EML6: variants seen among roughly 807,000 people sequenced by gnomAD.
EML6 encodes the protein echinoderm microtubule-associated protein-like 6.
In EML6, 154 loss-of-function variants were observed where a neutral mutation model predicts 240.1. The observed-to-expected ratio is 0.64, with a 90% CI of 0.56 to 0.73. EML6 has a LOEUF of 0.73. EML6 is among the 30% of genes least tolerant of loss of function. The probability of loss-of-function intolerance (pLI) is 0.00; values close to 1 mark genes in which losing one functional copy is unlikely to be tolerated. For synonymous variants in EML6, 1,148 were observed against 899.0 expected (o/e 1.28, Z -4.95); for missense variants, 2,964 against 2,474.6 (o/e 1.20, Z -4.20).
intron 5 of EML6, among the ~76,000 whole-genome samples, chr2:54,826,381 C>T (rs1204357489): frequency 1.3e-5 from 2 of 152,158 alleles, no homozygotes; most frequent in Non-Finnish European, 2.9e-5. Context: ...GGCAGATCAC[C>T]TGAGGTCAGG....
chr2:54,812,054 C>T (rs1667873545), intron 2 of EML6, among the ~76,000 whole-genome samples: 1 of 152,112 alleles, frequency 6.6e-6, no homozygotes. Context: ...TTCACACAGG[C>T]ATGTTTATGT....
chr2:54,752,611 G>A (rs1333846389), intron 2 of EML6, among the ~76,000 whole-genome samples: 1 of 152,174 alleles, frequency 6.6e-6, no homozygotes, highest in African/African-American at 2.4e-5. Context: ...CATGCATGTT[G>A]TAGTAGATAG....
chr2:54,964,792 G>A, intron 38 of EML6, 59 bp downstream of exon 38: 1 of 1,492,928 alleles, frequency 6.7e-7, no homozygotes, highest in Non-Finnish European at 9.1e-7. Context: ...TAATAACAAT[G>A]GCCTATATTA....
chr2:54,871,658 C>CA, intron 16 of EML6, 53 bp downstream of exon 16: 1 of 1,291,450 alleles, frequency 7.7e-7, no homozygotes, highest in South Asian at 1.3e-5. Context: ...GAGAGAGACA[C>CA]AGAGAGAGTA....
chr2:54,864,615 A>G (rs946147410), intron 13 of EML6, among the ~76,000 whole-genome samples: 1 of 152,260 alleles, frequency 6.6e-6, no homozygotes, highest in African/African-American at 2.4e-5. Flanking sequence ...TGTGGAATGA[A>G]TAAGACTTCA....
intron 7 of EML6, among the ~76,000 whole-genome samples, chr2:54,839,612 C>T (rs1406843237): frequency 6.6e-6 from 1 of 152,226 alleles, no homozygotes; most frequent in Admixed American, 6.5e-5. Context: ...TGCTAAGCTC[C>T]GCCTTTACGT....
chr2:54,966,059 T>C (rs1400689144), intron 38 of EML6, among the ~76,000 whole-genome samples: 2 of 152,242 alleles, frequency 1.3e-5, no homozygotes, highest in Non-Finnish European at 2.9e-5. Context: ...GTCTCAATCA[T>C]AATTTTGCAA....
chr2:54,957,745 C>T, intron 32 of EML6, 45 bp from the exon 33 acceptor site: 2 of 1,533,492 alleles, frequency 1.3e-6, no homozygotes, highest in Non-Finnish European at 8.8e-7. Context: ...CCGGCCTGGC[C>T]CATGAAGCAA....
chr2:54,806,641 A>ATG (rs1670505738), intron 2 of EML6, among the ~76,000 whole-genome samples: 1 of 136,916 alleles, frequency 7.3e-6, no homozygotes, highest in Non-Finnish European at 1.6e-5. Flanking sequence ...AAAAAAAAAA[A>ATG]AAAGAATGTC....
At chr2:54,946,823 C>G (rs751156805) in intron 28 of EML6, among the ~76,000 whole-genome samples, 1 of 152,006 alleles carries the variant, frequency 6.6e-6, no homozygotes, top group Non-Finnish European at 1.5e-5. Flanking sequence ...TTGCTCCTCT[C>G]ATCTTCAGTT....
At chr2:54,802,662 A>ACTG (rs1553381898) in intron 2 of EML6, among the ~76,000 whole-genome samples, 132 of 145,684 alleles carry the variant, frequency 9.1e-4, no homozygotes, top group African/African-American at 2.0e-3. Context: ...TACTACTACT[A>ACTG]CTACTGCTAC....
Position 54,866,781 on chromosome 2 carries a change from C to T in EML6, c.1948C>T (p.Leu650=), listed in dbSNP as rs139993815. Reference sequence around the variant, plus strand: ...GTACTTTAAGGTTTACAAAGAAGATCTACCTCAGCTAAAGCAACAAAGTAA... The same window carrying T: ...GTACTTTAAGGTTTACAAAGAAGATTTACCTCAGCTAAAGCAACAAAGTAA... The part of the protein sequence containing the change: ...NYDRQVYKED[L]PQLKQQSKEK... The change falls in exon 14 of 42, where the codon CTA becomes TTA. Residue 650 remains leucine (L), a synonymous_variant. Transcript: ENST00000356458. The T allele has an allele frequency of 9.3e-4, 1,440 of 1,549,830 alleles. 23 individuals are homozygous for T. In the African/African-American group the frequency reaches 0.018, roughly 19 times the overall value.
chr2:54,863,537 G>A (rs961442108), intron 12 of EML6, among the ~76,000 whole-genome samples: 1 of 152,108 alleles, frequency 6.6e-6, no homozygotes, highest in African/African-American at 2.4e-5. Flanking sequence ...AATGAGTTTA[G>A]TCTGCCTGGT....
Position 54,871,654 on chromosome 2 carries a change from GAC to G in EML6, c.2344+53_2344+54del, listed in dbSNP as rs1558635287. On this transcript the variant is annotated intron_variant, in intron 16 of 41. Transcript: ENST00000356458. The stretch of plus-strand genomic sequence containing the variant: ...ATGGTTCTACGTTGAGAGAGAGAGA[GAC>G]ACAGAGAGAGTATGCCCCGCGCATG... 3.1e-6 allele frequency: 4 copies of G among 1,302,710 alleles called. No individual in the cohort carries two copies. In the Admixed American group the frequency reaches 5.9e-5, roughly 19 times the overall value. 80.7% of individuals were successfully genotyped at this position (1,302,710 alleles called of 1,614,324 possible).
intron 28 of EML6, among the ~76,000 whole-genome samples, chr2:54,931,799 C>T (rs760332812): frequency 6.6e-6 from 1 of 152,182 alleles, no homozygotes; most frequent in Non-Finnish European, 1.5e-5. Flanking sequence ...TGTCACTTAG[C>T]AATGTTTCAG....
chr2:54,879,663 C>A (rs770659395), intron 17 of EML6, 23 bp downstream of exon 17: 11 of 1,380,668 alleles, frequency 8.0e-6, no homozygotes, highest in Admixed American at 5.9e-5. Context: ...CGGGATCTTA[C>A]GGTATCCTGC....
chr2:54,910,691 CAT>C (rs951265510), intron 24 of EML6, among the ~76,000 whole-genome samples: 1 of 149,208 alleles, frequency 6.7e-6, no homozygotes, highest in Non-Finnish European at 1.5e-5. Flanking sequence ...ATCAATAAAA[CAT>C]ATCAAGCTTT....
intron 13 of EML6, among the ~76,000 whole-genome samples, chr2:54,864,519 C>T (rs762767344): frequency 2.0e-5 from 3 of 152,144 alleles, no homozygotes; most frequent in Non-Finnish European, 4.4e-5. Context: ...GAACACATAC[C>T]ACCTTGTTAC....
Position 54,968,197 on chromosome 2 carries a change from T to C in EML6, c.5667T>C (p.Cys1889=). Residue 1889 remains cysteine (C), a synonymous_variant, in exon 40 of 42, where the codon TGT becomes TGC. Coordinates refer to ENST00000356458, the MANE Select transcript of EML6 (RefSeq NM_001039753.4). ...NADKADVNCA[C]VTHAGLNIVT... ...ACAAGGCTGATGTCAACTGCGCATG[T>C]GTGACCCACGCTGGCCTGAACATTG... 1 of 1,551,742 alleles carries C rather than the reference T, an allele frequency of 6.4e-7. No homozygotes were observed. The highest frequency in any genetic ancestry group is 8.7e-7 in the Non-Finnish European group (1 of 1,146,986).
Sources: allele counts gnomAD v4.1 joint callset (sites outside exome capture counted in the v4.1 genomes callset), GRCh38; gene constraint gnomAD v4.1.1; transcripts MANE v1.5; gene names NCBI Gene and HGNC (gene_info 2026-07-23, HGNC 2026-07-21).